The following EFNA5 variants were observed in gnomAD, a reference collection of about 807,000 sequenced individuals.
The protein encoded by EFNA5 is ephrin A5.
EFNA5 carries 5 observed loss-of-function variants against 22.9 expected under a neutral mutation model. That is an observed-to-expected ratio of 0.22 (90% CI 0.11 to 0.46). The LOEUF is 0.46. EFNA5 is among the 20% of genes least tolerant of loss of function. The probability of loss-of-function intolerance (pLI) is 0.99; values close to 1 mark genes in which losing one functional copy is unlikely to be tolerated. For missense variants in EFNA5, 237 were observed against 293.3 expected, an observed-to-expected ratio of 0.81 and a Z score of 1.40; for synonymous variants, 113 against 112.2, an observed-to-expected ratio of 1.01 and a Z score of -0.04.
intron 4 of EFNA5, among the ~76,000 whole-genome samples, chr5:107,381,720 A>C (rs1165847946): frequency 6.6e-6 from 1 of 151,698 alleles, no homozygotes; most frequent in Non-Finnish European, 1.5e-5. Flanking sequence ...GAAACCTAAG[A>C]TGTCACAGGC....
chr5:107,473,201 T>C (rs1222079670), intron 1 of EFNA5, among the ~76,000 whole-genome samples: 4 of 151,870 alleles, frequency 2.6e-5, no homozygotes, highest in Non-Finnish European at 5.9e-5. Context: ...AAACTTACAC[T>C]CTATTCGACC....
chr5:107,621,031 C>T (rs1750025073), intron 1 of EFNA5, among the ~76,000 whole-genome samples: 1 of 151,870 alleles, frequency 6.6e-6, no homozygotes, highest in Admixed American at 6.6e-5. Flanking sequence ...GATGGGAGGA[C>T]AATGGTAAAT....
intron 1 of EFNA5, among the ~76,000 whole-genome samples, chr5:107,591,910 TAAA>T (rs1234808803): frequency 0.022 from 235 of 10,638 alleles, 4 homozygotes; most frequent in Non-Finnish European, 0.024. Context: ...ATATATAATA[TAAA>T]AAATATATAT....
intron 1 of EFNA5, among the ~76,000 whole-genome samples, chr5:107,589,397 G>T (rs1472071725): frequency 1.3e-5 from 2 of 152,050 alleles, no homozygotes; most frequent in African/African-American, 4.8e-5. Context: ...GGGGGAAAAG[G>T]TATAATCAAG....
intron 1 of EFNA5, among the ~76,000 whole-genome samples, chr5:107,533,862 G>T (rs1747873934): frequency 6.6e-6 from 1 of 152,132 alleles, no homozygotes; most frequent in Admixed American, 6.5e-5. Flanking sequence ...ACATCTCTCA[G>T]ACCTGAACTG....
chr5:107,584,924 CAG>C lies in EFNA5; in HGVS notation c.125+85563_125+85564del, dbSNP rs1207914781. Among the ~76,000 whole-genome samples the C allele has an allele frequency of 3.9e-5, 6 of 152,250 alleles. No homozygotes were observed. In the East Asian group the frequency reaches 9.6e-4, roughly 24 times the overall value. Reference sequence around the variant, plus strand: ...TGGCGGTGATGGTGGACAAGGTAATCAGAGTGGTCACAACGTAGCAAGTCTTC... The same window carrying C: ...TGGCGGTGATGGTGGACAAGGTAATCAGTGGTCACAACGTAGCAAGTCTTC... On this transcript the variant is annotated intron_variant, in intron 1 of 4. Transcript: ENST00000333274.
At chr5:107,542,255 C>T (rs1474173917) in intron 1 of EFNA5, among the ~76,000 whole-genome samples, 1 of 152,034 alleles carries the variant, frequency 6.6e-6, no homozygotes, top group Non-Finnish European at 1.5e-5. Flanking sequence ...GAAACAAGAG[C>T]CTCCTGCTTC....
rs758317600 is a variant in EFNA5, at chr5:107,381,332, C to A, written c.610G>T (p.Ala204Ser). Residue 204 changes from alanine (A) to serine (S), a missense_variant, in exon 5 of 5, where the codon GCG (alanine) becomes TCG (serine). Ala to Ser is a moderately conservative substitution (Grantham distance 99). Around this residue, in one of 3 missense-constraint regions of EFNA5, gnomAD observed 104 missense variants for 114.5 expected, o/e 0.91. Transcript: ENST00000333274. The stretch of plus-strand genomic sequence containing the variant: ...CTGGGTATCCTTGGTGTTTGTGCCG[C>A]GTTCTCGCCGCGGGATGGCTCGGCT... Reference protein sequence around the residue: ...ESAEPSRGENAAQTPRIPSRL... With the variant: ...ESAEPSRGENSAQTPRIPSRL... 14 of 1,613,998 alleles carry A rather than the reference C, an allele frequency of 8.7e-6. No individual in the cohort carries two copies. The Admixed American group carries it at 2.2e-4, about 25-fold the overall frequency.
intron 1 of EFNA5, among the ~76,000 whole-genome samples, chr5:107,533,333 C>A (rs341278): frequency 0.11 from 16,712 of 152,088 alleles, 1,191 homozygotes; most frequent in Middle Eastern, 0.33. Context: ...ATGTAATGAG[C>A]AGAACACTTT....
intron 1 of EFNA5, among the ~76,000 whole-genome samples, chr5:107,644,032 T>C (rs1207438455): frequency 6.6e-6 from 1 of 152,148 alleles, no homozygotes; most frequent in East Asian, 1.9e-4. Flanking sequence ...TGGAAAAGAA[T>C]TAGAGTAGCT....
At chr5:107,391,382 G>T (rs1448393884) in intron 2 of EFNA5, among the ~76,000 whole-genome samples, 1 of 152,138 alleles carries the variant, frequency 6.6e-6, no homozygotes, top group Admixed American at 6.5e-5. Context: ...GCAAGAGTGT[G>T]TCCCAGACAT....
chr5:107,408,189 C>A (rs908261916), intron 2 of EFNA5, among the ~76,000 whole-genome samples: 2 of 148,000 alleles, frequency 1.4e-5, no homozygotes, highest in African/African-American at 2.6e-5. Flanking sequence ...ACACACACAC[C>A]CATCACCATC....
intron 1 of EFNA5, among the ~76,000 whole-genome samples, chr5:107,556,785 T>TAAATAAATAAATA (rs1554066388): frequency 1.6e-3 from 222 of 141,726 alleles, no homozygotes; most frequent in Admixed American, 2.9e-3. Context: ...AATAAATAAA[T>TAAATAAATAAATA]AAATAAAATA....
intron 1 of EFNA5, among the ~76,000 whole-genome samples, chr5:107,529,316 C>A (rs947842055): frequency 6.6e-6 from 1 of 152,066 alleles, no homozygotes; most frequent in Non-Finnish European, 1.5e-5. Context: ...TGAAGTCCCC[C>A]CTACCCAAGG....
chr5:107,421,662 T>C (rs1011018462), intron 2 of EFNA5, among the ~76,000 whole-genome samples: 2 of 152,202 alleles, frequency 1.3e-5, no homozygotes, highest in Non-Finnish European at 2.9e-5. Flanking sequence ...GAAGTGTTTA[T>C]AAAGTAGAAT....
At chr5:107,601,807 T>C (rs1749601604) in intron 1 of EFNA5, among the ~76,000 whole-genome samples, 2 of 152,158 alleles carry the variant, frequency 1.3e-5, no homozygotes, top group South Asian at 4.1e-4. Context: ...CCTAGATAAT[T>C]TGTGGAGGTA....
intron 4 of EFNA5, among the ~76,000 whole-genome samples, chr5:107,386,171 A>AAT (rs1747617270): frequency 6.6e-6 from 1 of 150,952 alleles, no homozygotes; most frequent in South Asian, 2.1e-4. Flanking sequence ...AAAAAAAAAA[A>AAT]TTCTCCATTT....
intron 1 of EFNA5, among the ~76,000 whole-genome samples, chr5:107,499,193 A>G (rs1187714756): frequency 6.6e-6 from 1 of 152,150 alleles, no homozygotes; most frequent in Non-Finnish European, 1.5e-5. Context: ...ATTTTTTTTT[A>G]AATCGGGAGA....
intron 1 of EFNA5, among the ~76,000 whole-genome samples, chr5:107,616,589 C>CGTGT (rs983779442): frequency 6.6e-6 from 1 of 151,720 alleles, no homozygotes. Context: ...CAGAGCTGCT[C>CGTGT]GTGTGTGTGT....
Sources: allele counts gnomAD v4.1 joint callset (sites outside exome capture counted in the v4.1 genomes callset), GRCh38; gene constraint gnomAD v4.1.1; regional missense constraint gnomAD v4.1.1; transcripts MANE v1.5; gene names NCBI Gene and HGNC (gene_info 2026-07-23, HGNC 2026-07-21).